UBE2L3: variants seen among roughly 807,000 people sequenced by gnomAD.
UBE2L3 encodes ubiquitin-conjugating enzyme E2 L3.
In UBE2L3, 1 loss-of-function variant was observed where a neutral mutation model predicts 17.8. That is an observed-to-expected ratio of 0.06 (90% CI 0.02 to 0.27). The LOEUF is 0.27. Ranked by LOEUF, UBE2L3 falls within the 10% of genes least tolerant of loss-of-function variation. UBE2L3 has a pLI of 1.00. For synonymous variants in UBE2L3, 44 were observed against 68.5 expected, an observed-to-expected ratio of 0.64 and a Z score of 1.76; for missense variants, 40 against 192.6, an observed-to-expected ratio of 0.21 and a Z score of 4.69.
rs373212257 is a variant in UBE2L3, at chr22:21,570,202, A to G, written c.27+2431A>G. On this transcript the variant is annotated intron_variant, in intron 1 of 3. Transcript: ENST00000342192. The stretch of plus-strand genomic sequence containing the variant: ...TCCCGAAGGGCAGGGATCTTGACCT[A>G]ATTCATCCTGGTAGCCCCCTAGCCT... Among the ~76,000 whole-genome samples the G allele has an allele frequency of 2.0e-5, 3 of 152,236 alleles. No homozygotes were observed. In the South Asian group the frequency reaches 6.2e-4, roughly 32 times the overall value.
At chr22:21,614,538 C>T (rs1320510911) in intron 3 of UBE2L3, 7 of 1,361,612 alleles carry the variant, frequency 5.1e-6, no homozygotes, top group Non-Finnish European at 6.9e-6. Context: ...TGATTTTTGT[C>T]TCCTGCCCTT....
At chr22:21,594,611 A>G (rs1268658276) in intron 2 of UBE2L3, among the ~76,000 whole-genome samples, 1 of 152,080 alleles carries the variant, frequency 6.6e-6, no homozygotes, top group Non-Finnish European at 1.5e-5. Flanking sequence ...ATGCTTTGTA[A>G]TGATTTAGTA....
chr22:21,595,409 T>A (rs1928459027), intron 2 of UBE2L3, among the ~76,000 whole-genome samples: 7 of 152,188 alleles, frequency 4.6e-5, no homozygotes, highest in Admixed American at 4.6e-4. Flanking sequence ...TGGGCCAGCA[T>A]GGGAATCTAC....
intron 2 of UBE2L3, among the ~76,000 whole-genome samples, chr22:21,602,760 T>G (rs1404389931): frequency 2.0e-5 from 3 of 152,198 alleles, no homozygotes; most frequent in Non-Finnish European, 4.4e-5. Context: ...CCTGAAAAGG[T>G]GTCCTGCCAA....
At chr22:21,562,273 C>A in intron 1 of UBE2L3, among the ~76,000 whole-genome samples, 1 of 151,216 alleles carries the variant, frequency 6.6e-6, no homozygotes, top group Admixed American at 6.6e-5. Context: ...CGGCTCACTG[C>A]AAGCTCCACC....
intron 1 of UBE2L3, among the ~76,000 whole-genome samples, chr22:21,576,267 A>G (rs1409375785): frequency 1.3e-5 from 2 of 151,260 alleles, no homozygotes; most frequent in Non-Finnish European, 2.9e-5. Flanking sequence ...GGCGCACGCC[A>G]CCACGCCTGG....
At chr22:21,570,281 CTTA>C (rs899670391) in intron 1 of UBE2L3, among the ~76,000 whole-genome samples, 14 of 149,296 alleles carry the variant, frequency 9.4e-5, no homozygotes, top group African/African-American at 3.2e-4. Context: ...TAAGAGGGGA[CTTA>C]TTATGGTTTT....
intron 1 of UBE2L3, among the ~76,000 whole-genome samples, chr22:21,561,096 A>G (rs1262544443): frequency 1.3e-5 from 2 of 152,266 alleles, no homozygotes; most frequent in African/African-American, 2.4e-5. Context: ...AAGCCCCCTC[A>G]GGACTTGGTC....
At chr22:21,595,013 C>G (rs781103499) in intron 2 of UBE2L3, among the ~76,000 whole-genome samples, 14 of 152,242 alleles carry the variant, frequency 9.2e-5, no homozygotes, top group Admixed American at 2.0e-4. Context: ...TGGGCATGCT[C>G]TGCCCCAACT....
At chr22:21,593,414 C>T (rs936070097) in intron 2 of UBE2L3, among the ~76,000 whole-genome samples, 1 of 152,148 alleles carries the variant, frequency 6.6e-6, no homozygotes, top group Admixed American at 6.5e-5. Flanking sequence ...CTGTGCCTTC[C>T]ATTTGTCTCA....
At chr22:21,600,604 G>A (rs975991532) in intron 2 of UBE2L3, among the ~76,000 whole-genome samples, 1 of 152,186 alleles carries the variant, frequency 6.6e-6, no homozygotes, top group Non-Finnish European at 1.5e-5. Context: ...GCTGAGGCAG[G>A]AGAATTACTT....
At position 21,581,670 on chromosome 22, in the gene UBE2L3, C is replaced by T. The variant is rs1281086753; in HGVS notation, c.28-11191C>T. ...ATACAAAATTAGCCGGGCATGGTGG[C>T]GGGCGCCTGTAATCCCAGCTGCTCG... On this transcript the variant is annotated intron_variant, in intron 1 of 3. Coordinates refer to ENST00000342192, the MANE Select transcript of UBE2L3 (RefSeq NM_003347.4). Among the ~76,000 whole-genome samples the T allele has an allele frequency of 9.9e-5, 15 of 151,958 alleles. 1 individual carries two copies. The Middle Eastern group carries it at 0.01, about 103-fold the overall frequency.
chr22:21,614,004 T>C, intron 3 of UBE2L3, among the ~76,000 whole-genome samples: 1 of 152,180 alleles, frequency 6.6e-6, no homozygotes, highest in East Asian at 1.9e-4. Flanking sequence ...CTTCAGCTCT[T>C]GATGGGAGGA....
At chr22:21,557,500 C>CA (rs1371760534) in intron 1 of UBE2L3, among the ~76,000 whole-genome samples, 1 of 152,154 alleles carries the variant, frequency 6.6e-6, no homozygotes, top group African/African-American at 2.4e-5. Flanking sequence ...AGACAGTGCC[C>CA]ATACTTGCTT....
intron 2 of UBE2L3, among the ~76,000 whole-genome samples, chr22:21,595,681 A>T (rs1323404506): frequency 6.6e-6 from 1 of 152,140 alleles, no homozygotes; most frequent in Non-Finnish European, 1.5e-5. Flanking sequence ...TTTTTCATCT[A>T]AGATGCTAAG....
intron 2 of UBE2L3, among the ~76,000 whole-genome samples, chr22:21,593,683 C>T (rs7288456): frequency 1.4e-4 from 22 of 152,194 alleles, no homozygotes; most frequent in African/African-American, 5.3e-4. Flanking sequence ...CTCTCACTCT[C>T]CTGAAACCAC....
At chr22:21,580,964 T>C (rs901318176) in intron 1 of UBE2L3, among the ~76,000 whole-genome samples, 9 of 151,622 alleles carry the variant, frequency 5.9e-5, no homozygotes, top group African/African-American at 2.2e-4. Context: ...TTATAACTCA[T>C]TATAACCTCG....
upstream of UBE2L3, among the ~76,000 whole-genome samples, chr22:21,565,235 GGC>G (rs1229918659): frequency 6.6e-6 from 1 of 151,872 alleles, no homozygotes; most frequent in Non-Finnish European, 1.5e-5. Flanking sequence ...TGGGAATACA[GGC>G]GCCCGCCACC....
chr22:21,572,359 C>T (rs944504657), intron 1 of UBE2L3, among the ~76,000 whole-genome samples: 4 of 133,998 alleles, frequency 3.0e-5, no homozygotes, highest in Admixed American at 8.7e-5. Context: ...TGCTTGAACC[C>T]GGGAGGCAGA....
Sources: allele counts gnomAD v4.1 joint callset (sites outside exome capture counted in the v4.1 genomes callset), GRCh38; gene constraint gnomAD v4.1.1; transcripts MANE v1.5; gene names NCBI Gene and HGNC (gene_info 2026-07-23, HGNC 2026-07-21).